The following PLPPR3 variants were observed in gnomAD, a reference collection of about 807,000 sequenced individuals.
PLPPR3 encodes the protein phospholipid phosphatase-related protein type 3.
Under a neutral mutation model 27.3 loss-of-function variants are expected in PLPPR3, and 14 were observed. The ratio of observed to expected loss-of-function variants is 0.51; its 90% CI spans 0.34 to 0.80. PLPPR3 has a LOEUF of 0.80. Among genes scored for constraint, PLPPR3 ranks in the 30% least tolerant of loss-of-function variants. The pLI, the probability that PLPPR3 is intolerant of heterozygous loss-of-function variation, is 0.01. For synonymous variants in PLPPR3, 671 were observed against 508.0 expected (o/e 1.32, Z -4.32); for missense variants, 1,287 against 1,056.9 (o/e 1.22, Z -3.02).
chr19:819,296 T>C lies in PLPPR3; in HGVS notation c.75+2189A>G, dbSNP rs1167280400. ...CCAGCCTACTTTTTTTTTTTTTTTT[T>C]CCGAGATGGAGTCTCACTCTGTTGC... On this transcript the variant is annotated intron_variant, in intron 2 of 7. Transcript: ENST00000520876. Among the ~76,000 whole-genome samples, 7 of 136,076 alleles carry C rather than the reference T, an allele frequency of 5.1e-5. No individual in the cohort carries two copies. The South Asian group carries it at 7.3e-4, about 14-fold the overall frequency. 89.3% of individuals were successfully genotyped at this position (136,076 alleles called of 152,430 possible). A position where few individuals can be genotyped will look rare whatever the true frequency, so the allele number is the denominator to read the frequency against.
In PLPPR3 at chr19:813,497, C is replaced by A; in HGVS notation, c.1230G>T (p.Glu410Asp). 1 of 1,552,668 alleles carries A rather than the reference C, an allele frequency of 6.4e-7. No homozygotes were observed. Among genetic ancestry groups the A allele is most frequent in the Non-Finnish European group, 8.7e-7 (1 of 1,152,646 alleles). The change falls in exon 8 of 8, where the codon GAG (glutamate) becomes GAT (aspartate). Residue 410 changes from glutamate to aspartate, a missense_variant. Glu to Asp is a conservative substitution (Grantham distance 45). Transcript: ENST00000520876. The surrounding 1 kb of genome is among the most constrained non-coding windows in gnomAD (Gnocchi z 4.1). ...GGCCCTCCAGGCTCTTCTGCTTCCACTCGCTGATGAGCTGCTTGGAGCGCG... is the reference window on the plus strand; with the variant it reads ...GGCCCTCCAGGCTCTTCTGCTTCCAATCGCTGATGAGCTGCTTGGAGCGCG... ...DASRSKQLISEWKQKSLEGRG... is the reference protein window; with the variant it reads ...DASRSKQLISDWKQKSLEGRG...
At chr19:822,837 T>G (rs540606698), upstream of PLPPR3, among the ~76,000 whole-genome samples, 3 of 152,286 alleles carry the variant, frequency 2.0e-5, no homozygotes, top group East Asian at 5.8e-4. Flanking sequence ...AATCGGTTTT[T>G]GGGCCGTGCG....
Position 815,239 on chromosome 19 carries a change from T to C in PLPPR3, c.350A>G (p.Asn117Ser), listed in dbSNP as rs748160295. The part of the protein sequence containing the change: ...GGPAGAEGSI[N>S]AGGCNFNSFL... Reference sequence around the variant, plus strand: ...GGAGTTGAAGTTGCAGCCGCCGGCGTTGATGCTGCCCTCCGCCCCGGCGGG... The same window carrying C: ...GGAGTTGAAGTTGCAGCCGCCGGCGCTGATGCTGCCCTCCGCCCCGGCGGG... Residue 117 changes from asparagine (N) to serine (S), a missense_variant, in exon 4 of 8, where the codon AAC becomes AGC. Physicochemically the swap from Asn to Ser is conservative, Grantham distance 46. Coordinates refer to ENST00000520876, the MANE Select transcript of PLPPR3 (RefSeq NM_001270366.2). The C allele has an allele frequency of 5.7e-6, 9 of 1,588,402 alleles. No individual in the cohort carries two copies. The highest frequency in any genetic ancestry group is 2.3e-5 in the South Asian group (2 of 88,294).
Position 812,610 on chromosome 19 carries a change from CCCTCGGCCTCCGCCTCCG to C in PLPPR3, c.2099_2116del (p.Ala700_Glu705del), listed in dbSNP as rs1243325751. ...GCGCGCCTGCATCTTGCGGAAGTAG[CCCTCGGCCTCCGCCTCCG>C]CCTCGCGCTCCGCCAGCCCCAGGCC... On this transcript the variant is annotated inframe_deletion, in exon 8 of 8. Coordinates refer to ENST00000520876, the MANE Select transcript of PLPPR3 (RefSeq NM_001270366.2). The C allele has an allele frequency of 1.3e-5, 14 of 1,116,450 alleles. No individual in the cohort carries two copies. Among genetic ancestry groups the C allele is most frequent in the Non-Finnish European group, 1.5e-5 (14 of 903,608 alleles). 69.2% of individuals were successfully genotyped at this position (1,116,450 alleles called of 1,614,324 possible).
At position 813,078 on chromosome 19, in the gene PLPPR3, C is replaced by A. The variant is rs780636868; in HGVS notation, c.1649G>T (p.Gly550Val). ...IAMSKAPGAPGPKAAETASSS... is the reference protein window; with the variant it reads ...IAMSKAPGAPVPKAAETASSS... Reference sequence around the variant, plus strand: ...CGACGCCGTCTCGGCCGCCTTGGGGCCCGGCGCGCCCGGAGCCTTGGACAT... The same window carrying A: ...CGACGCCGTCTCGGCCGCCTTGGGGACCGGCGCGCCCGGAGCCTTGGACAT... Residue 550 changes from glycine (G) to valine (V), a missense_variant, in exon 8 of 8, where the codon GGC (glycine) becomes GTC (valine). Physicochemically the swap from Gly to Val is moderately radical, Grantham distance 109. Coordinates refer to ENST00000520876, the MANE Select transcript of PLPPR3 (RefSeq NM_001270366.2). The surrounding 1 kb of genome is among the most constrained non-coding windows in gnomAD (Gnocchi z 4.1). 3 of 1,495,162 alleles carry A rather than the reference C, an allele frequency of 2.0e-6. No homozygotes were observed. The highest frequency in any genetic ancestry group is 2.9e-5 in the African/African-American group (2 of 68,580). 92.6% of individuals were successfully genotyped at this position (1,495,162 alleles called of 1,614,324 possible). A position where few individuals can be genotyped will look rare whatever the true frequency, so the allele number is the denominator to read the frequency against.
rs552988963 is a variant in PLPPR3 at position 815,316 on chromosome 19, G to A, written c.273C>T (p.Ala91=). 2.4e-5 allele frequency: 37 copies of A among 1,543,464 alleles called. No individual in the cohort carries two copies. Among genetic ancestry groups the A allele is most frequent in the East Asian group, 9.8e-5 (4 of 40,842 alleles). The change falls in exon 4 of 8, where the codon GCC becomes GCT. Residue 91 remains alanine, a synonymous_variant. Transcript: ENST00000520876. The part of the protein sequence containing the change: ...FAAPAASIMV[A]EGMLYCLQSR... ...ACTGCAGACAGTACAACATGCCCTC[G>A]GCCACCATGATCTGCCAACAGGGAG... is the stretch of plus-strand genomic sequence containing the variant.
chr19:813,012 G>T lies in PLPPR3; in HGVS notation c.1715C>A (p.Pro572Gln). ...ASSDSSQYRS[P>Q]SDRDSASIVT... ...GATGCTGGCGGAGTCGCGGTCCGACGGCGACCGGTACTGCGAGGAGTCGGA... is the reference window on the plus strand; with the variant it reads ...GATGCTGGCGGAGTCGCGGTCCGACTGCGACCGGTACTGCGAGGAGTCGGA... Residue 572 changes from proline to glutamine, a missense_variant, in exon 8 of 8, where the codon CCG (proline) becomes CAG (glutamine). By Grantham distance (76) the Pro-to-Gln change is moderately conservative (BLOSUM62 -1). Transcript: ENST00000520876. The surrounding 1 kb of genome is among the most constrained non-coding windows in gnomAD (Gnocchi z 4.1). The T allele has an allele frequency of 6.6e-7, 1 of 1,518,012 alleles. No individual in the cohort carries two copies. The highest frequency in any genetic ancestry group is 1.2e-5 in the South Asian group (1 of 83,922). 94.0% of individuals were successfully genotyped at this position (1,518,012 alleles called of 1,614,324 possible).
rs201659263 is a variant in PLPPR3 at position 815,800 on chromosome 19, C to G, written c.127G>C (p.Asp43His). ...IVSLYFLELT[D>H]LFKPAKVGFQ... Reference sequence around the variant, plus strand: ...CCCACCTTGGCCGGCTTGAAGAGGTCGGTCAGCTCCAGGAAGTACAAGGAT... The same window carrying G: ...CCCACCTTGGCCGGCTTGAAGAGGTGGGTCAGCTCCAGGAAGTACAAGGAT... Residue 43 changes from aspartate (D) to histidine (H), a missense_variant, in exon 3 of 8, where the codon GAC becomes CAC. Asp to His is a moderately conservative substitution (Grantham distance 81). Transcript: ENST00000520876. 5.0e-6 allele frequency: 8 copies of G among 1,612,756 alleles called. No individual in the cohort carries two copies. Among genetic ancestry groups the G allele is most frequent in the South Asian group, 1.1e-5 (1 of 91,070 alleles).
chr19:813,970 C>A lies in PLPPR3; in HGVS notation c.832-75G>T. The A allele has an allele frequency of 7.2e-7, 1 of 1,396,402 alleles. No homozygotes were observed. Among genetic ancestry groups the A allele is most frequent in the Non-Finnish European group, 9.3e-7 (1 of 1,080,372 alleles). The allele number at this position is 1,396,402 out of a possible 1,614,324, so 86.5% of individuals were successfully genotyped here. A position where few individuals can be genotyped will look rare whatever the true frequency, so the allele number is the denominator to read the frequency against. On this transcript the variant is annotated intron_variant, in intron 7 of 7. Transcript: ENST00000520876. This position sits in a 1 kb window ranked among gnomAD's most constrained non-coding sequence, Gnocchi z 4.1. Reference sequence around the variant, plus strand: ...TCCCCTGTGATCGTTGGACTTGCCGCGGGGGGCTCTGGACCGGGGGTGGGG... The same window carrying A: ...TCCCCTGTGATCGTTGGACTTGCCGAGGGGGGCTCTGGACCGGGGGTGGGG...
rs1182059628 is a variant in PLPPR3, at chr19:813,761, G to A, written c.966C>T (p.Ser322=). Residue 322 remains serine, a synonymous_variant, in exon 8 of 8, where the codon AGC becomes AGT. Transcript: ENST00000520876. This position sits in a 1 kb window ranked among gnomAD's most constrained non-coding sequence, Gnocchi z 4.1. The part of the protein sequence containing the change: ...DSVYQQNKSV[S]TDELGPPGRL... ...GCCCTGGGGGCCCCAGCTCGTCGGT[G>A]CTCACCGACTTATTCTGCTGATAAA... 4 of 1,527,608 alleles carry A rather than the reference G, an allele frequency of 2.6e-6. No homozygotes were observed. Among genetic ancestry groups the A allele is most frequent in the Non-Finnish European group, 3.5e-6 (4 of 1,143,182 alleles). 94.6% of individuals were successfully genotyped at this position (1,527,608 alleles called of 1,614,324 possible).
intron 2 of PLPPR3, among the ~76,000 whole-genome samples, chr19:816,553 T>A: frequency 1.4e-5 from 1 of 73,240 alleles, no homozygotes; most frequent in Non-Finnish European, 2.6e-5. Context: ...TACCCATCCA[T>A]CCATCCATCC....
At chr19:820,679 C>T (rs547169859) in intron 2 of PLPPR3, among the ~76,000 whole-genome samples, 88 of 152,262 alleles carry the variant, frequency 5.8e-4, no homozygotes, top group Non-Finnish European at 9.4e-4. Context: ...GCCAACATAC[C>T]CGGCTAATTT....
Position 813,319 on chromosome 19 carries a change from G to C in PLPPR3, c.1408C>G (p.Pro470Ala). ...AGCCCCGGCCGCGCCTGCACGGTGG[G>C]GTAGAGCGAGGGCGGGGCCGGGCCC... Reference protein sequence around the residue: ...DEGPAPPSLYPTVQARPGLGP... With the variant: ...DEGPAPPSLYATVQARPGLGP... The change falls in exon 8 of 8, where the codon CCC (proline) becomes GCC (alanine). Residue 470 changes from proline to alanine, a missense_variant. By Grantham distance (27) the Pro-to-Ala change is conservative. Transcript: ENST00000520876. This position sits in a 1 kb window ranked among gnomAD's most constrained non-coding sequence, Gnocchi z 4.1. 1 of 1,468,546 alleles carries C rather than the reference G, an allele frequency of 6.8e-7. No individual in the cohort carries two copies. Among genetic ancestry groups the C allele is most frequent in the Non-Finnish European group, 8.9e-7 (1 of 1,121,198 alleles). The allele number at this position is 1,468,546 out of a possible 1,614,324, so 91.0% of individuals were successfully genotyped here. A position where few individuals can be genotyped will look rare whatever the true frequency, so the allele number is the denominator to read the frequency against.
rs754962223 is a variant in PLPPR3 at position 814,621 on chromosome 19, GT to G, written c.658-15del. 1 of 1,611,374 alleles carries G rather than the reference GT, an allele frequency of 6.2e-7. No homozygotes were observed. Among genetic ancestry groups the G allele is most frequent in the African/African-American group, 1.3e-5 (1 of 74,934 alleles). On this transcript the variant is annotated splice_polypyrimidine_tract_variant and intron_variant, in intron 6 of 7. Coordinates refer to ENST00000520876, the MANE Select transcript of PLPPR3 (RefSeq NM_001270366.2). The stretch of plus-strand genomic sequence containing the variant: ...GTTGAAGTACATCTGGGGCATGGGG[GT>G]TGGGGTCAGGGAGGGCTCCCCACGG...
In PLPPR3 at chr19:813,077, GC is replaced by G; in HGVS notation, c.1649del (p.Gly550AlafsTer32). The part of the protein sequence containing the change: ...IAMSKAPGAP[G>X]PKAAETASSS... ...ACGACGCCGTCTCGGCCGCCTTGGG[GC>G]CCGGCGCGCCCGGAGCCTTGGACAT... On this transcript the variant is annotated frameshift_variant, in exon 8 of 8. Coordinates refer to ENST00000520876, the MANE Select transcript of PLPPR3 (RefSeq NM_001270366.2). LOFTEE classifies it low-confidence loss of function (END_TRUNC). The surrounding 1 kb of genome is among the most constrained non-coding windows in gnomAD (Gnocchi z 4.1). The G allele has an allele frequency of 5.3e-6, 8 of 1,495,326 alleles. No homozygotes were observed. Among genetic ancestry groups the G allele is most frequent in the Non-Finnish European group, 6.2e-6 (7 of 1,133,024 alleles). The allele number at this position is 1,495,326 out of a possible 1,614,324, so 92.6% of individuals were successfully genotyped here.
intron 1 of PLPPR3, 66 bp downstream of exon 1, chr19:821,849 G>A (rs551228185): frequency 4.5e-4 from 132 of 295,282 alleles, no homozygotes; most frequent in African/African-American, 2.7e-3. Flanking sequence ...GGGGGCATCC[G>A]GGAGAACTGG....
chr19:812,731 C>T lies in PLPPR3; in HGVS notation c.1996G>A (p.Gly666Arg). The T allele has an allele frequency of 9.4e-7, 1 of 1,064,794 alleles. No individual in the cohort carries two copies. The highest frequency in any genetic ancestry group is 6.3e-5 in the East Asian group (1 of 15,828). 66.0% of individuals were successfully genotyped at this position (1,064,794 alleles called of 1,614,324 possible). The change falls in exon 8 of 8, where the codon GGG becomes AGG. Residue 666 changes from glycine to arginine, a missense_variant. Physicochemically the swap from Gly to Arg is moderately radical, Grantham distance 125 (BLOSUM62 -2). Transcript: ENST00000520876. ...TCGGCCGCGCCCAGCGGGGGCAGCC[C>T]CTCGCCCGTGGCCAGGTTGACGGTG... is the stretch of plus-strand genomic sequence containing the variant. ...VATVNLATGE[G>R]LPPLGAADGA...
Position 815,828 on chromosome 19 carries a change from G to A in PLPPR3, c.99C>T (p.Ile33=), listed in dbSNP as rs774678436. The change falls in exon 3 of 8, where the codon ATC becomes ATT. Residue 33 remains isoleucine (I), a synonymous_variant. Coordinates refer to ENST00000520876, the MANE Select transcript of PLPPR3 (RefSeq NM_001270366.2). ...TCAGCTCCAGGAAGTACAAGGATAC[G>A]ATGGAAGAAGCCACTATGGGCAGCT... The part of the protein sequence containing the change: ...FVELPIVASS[I]VSLYFLELTD... 24 of 1,612,652 alleles carry A rather than the reference G, an allele frequency of 1.5e-5. No homozygotes were observed. The highest frequency in any genetic ancestry group is 4.5e-5 in the East Asian group (2 of 44,886).
At chr19:821,659 C>A in intron 1 of PLPPR3, 74 bp from the exon 2 acceptor site, 1 of 798,156 alleles carries the variant, frequency 1.3e-6, no homozygotes, top group South Asian at 2.4e-5. Flanking sequence ...CCGGCGCCGG[C>A]GGGGGAGGGG....
Sources: allele counts gnomAD v4.1 joint callset (sites outside exome capture counted in the v4.1 genomes callset), GRCh38; gene constraint gnomAD v4.1.1; non-coding constraint Gnocchi (gnomAD v3.1); transcripts MANE v1.5; gene names NCBI Gene and HGNC (gene_info 2026-07-23, HGNC 2026-07-21).